Variants in LRRC4C observed in about 807,000 individuals in gnomAD.
LRRC4C encodes the protein leucine-rich repeat-containing protein 4C.
Under a neutral mutation model 33.6 loss-of-function variants are expected in LRRC4C, and 5 were observed. That is an observed-to-expected ratio of 0.15 (90% confidence interval 0.08 to 0.31). LRRC4C has a LOEUF of 0.31. Ranked by LOEUF, LRRC4C falls within the 10% of genes least tolerant of loss-of-function variation. The pLI, the probability that LRRC4C is intolerant of heterozygous loss-of-function variation, is 1.00. For missense variants in LRRC4C, 560 were observed against 796.7 expected, an observed-to-expected ratio of 0.70 and a Z score of 3.58; for synonymous variants, 329 against 302.0, an observed-to-expected ratio of 1.09 and a Z score of -0.93.
intron 2 of LRRC4C, among the ~76,000 whole-genome samples, chr11:40,762,792 T>C (rs930540517): frequency 1.3e-5 from 2 of 152,026 alleles, no homozygotes; most frequent in Non-Finnish European, 2.9e-5. Flanking sequence ...TTTTATTTTA[T>C]TAGGTTTGTT....
intron 1 of LRRC4C, among the ~76,000 whole-genome samples, chr11:41,164,965 T>A (rs571479220): frequency 6.6e-6 from 1 of 152,138 alleles, no homozygotes; most frequent in Admixed American, 6.5e-5. Context: ...CCAGGATCGA[T>A]TGTATCTTGG....
intron 1 of LRRC4C, among the ~76,000 whole-genome samples, chr11:41,073,755 T>A (rs1219897621): frequency 6.6e-6 from 1 of 152,228 alleles, no homozygotes; most frequent in African/African-American, 2.4e-5. Context: ...GTCTTGTAGA[T>A]CTTTAAGTAA....
chr11:41,034,387 C>G (rs1856906832), intron 1 of LRRC4C, among the ~76,000 whole-genome samples: 1 of 148,948 alleles, frequency 6.7e-6, no homozygotes. Context: ...CACTGCTATT[C>G]TGTTATAGGA....
chr11:40,904,097 C>T (rs1300108612), intron 2 of LRRC4C, among the ~76,000 whole-genome samples: 2 of 152,248 alleles, frequency 1.3e-5, no homozygotes, highest in African/African-American at 4.8e-5. Flanking sequence ...TGAGGAGTTA[C>T]TTCTGAGGGA....
intron 1 of LRRC4C, among the ~76,000 whole-genome samples, chr11:40,968,168 A>G (rs1231166780): frequency 6.6e-6 from 1 of 152,128 alleles, no homozygotes; most frequent in East Asian, 1.9e-4. Flanking sequence ...TAGATGGAAG[A>G]TTAAACCCAG....
chr11:40,202,871 G>C (rs1195045292), intron 5 of LRRC4C, among the ~76,000 whole-genome samples: 1 of 152,214 alleles, frequency 6.6e-6, no homozygotes, highest in African/African-American at 2.4e-5. Flanking sequence ...CTGCAGAGCA[G>C]GACAGAAGAG....
chr11:40,617,037 G>A (rs1432595543), intron 3 of LRRC4C, among the ~76,000 whole-genome samples: 1 of 151,270 alleles, frequency 6.6e-6, no homozygotes, highest in Non-Finnish European at 1.5e-5. Context: ...TCATTTTTAA[G>A]TCCCCATTAC....
At chr11:40,121,692 G>A (rs750435451) in intron 6 of LRRC4C, among the ~76,000 whole-genome samples, 1 of 152,186 alleles carries the variant, frequency 6.6e-6, no homozygotes, top group Non-Finnish European at 1.5e-5. Flanking sequence ...ACTGAGAGCT[G>A]CAGTGAGAGA....
chr11:40,993,927 T>C (rs1428883980), intron 1 of LRRC4C, among the ~76,000 whole-genome samples: 3 of 152,002 alleles, frequency 2.0e-5, no homozygotes, highest in South Asian at 4.2e-4. Flanking sequence ...GTGATCTCAA[T>C]AGCAAGAAAC....
At position 40,755,678 on chromosome 11, in the gene LRRC4C, C is replaced by T. The variant is rs188767654; in HGVS notation, c.-406-107400G>A. The stretch of plus-strand genomic sequence containing the variant: ...TGCTGCTAAATGTCTTACAATGCAC[C>T]GAAGAGCTCCTGACAACAAGAAATC... On this transcript the variant is annotated intron_variant, in intron 2 of 6. Transcript: ENST00000528697. 4.1e-3 allele frequency among the ~76,000 whole-genome samples: 624 copies of T among 151,988 alleles called. 3 individuals carry two copies. The highest frequency in any genetic ancestry group is 7.3e-3 in the Non-Finnish European group (495 of 67,962).
rs539900261 is a variant in LRRC4C, at chr11:40,136,519, G to C, written c.-43+4282C>G. Among the ~76,000 whole-genome samples the C allele has an allele frequency of 2.7e-5, 4 of 149,052 alleles. No individual in the cohort carries two copies. In the Admixed American group the frequency reaches 2.7e-4, roughly 10 times the overall value. ...TCTCGATCTCCTGACCTCGTGACCC[G>C]CCCACCTCGGCCTCCCAAAGTGCTG... On this transcript the variant is annotated intron_variant, in intron 6 of 6. Coordinates refer to ENST00000528697, the MANE Select transcript of LRRC4C (RefSeq NM_001258419.2).
At chr11:40,680,855 T>C (rs746429492) in intron 2 of LRRC4C, among the ~76,000 whole-genome samples, 5 of 152,220 alleles carry the variant, frequency 3.3e-5, no homozygotes, top group African/African-American at 4.8e-5. Context: ...AACTTTAACA[T>C]GCAATCATTA....
chr11:40,482,880 G>GAATAGTCCT (rs1451557027), intron 3 of LRRC4C, among the ~76,000 whole-genome samples: 1 of 152,142 alleles, frequency 6.6e-6, no homozygotes, highest in African/African-American at 2.4e-5. Flanking sequence ...AGTCCTAATA[G>GAATAGTCCT]AATAGCACAA....
chr11:41,385,497 AAC>A (rs1342966804), intron 1 of LRRC4C, among the ~76,000 whole-genome samples: 1 of 151,666 alleles, frequency 6.6e-6, no homozygotes. Context: ...TGATATAAAA[AAC>A]ACATGCATAA....
rs376801283 is a variant in LRRC4C, at chr11:41,345,247, C to T, written c.-496+114184G>A. On this transcript the variant is annotated intron_variant, in intron 1 of 6. Coordinates refer to ENST00000528697, the MANE Select transcript of LRRC4C (RefSeq NM_001258419.2). ...TCCTATTAATTACTATATCCCTACA[C>T]TTGAAGACAATTTATGACACACACT... Among the ~76,000 whole-genome samples, 12 of 152,206 alleles carry T rather than the reference C, an allele frequency of 7.9e-5. No homozygotes were observed. In the East Asian group the frequency reaches 9.7e-4, roughly 12 times the overall value.
rs567630617 is a variant in LRRC4C at position 40,659,056 on chromosome 11, A to G, written c.-406-10778T>C. Among the ~76,000 whole-genome samples, 8 of 152,278 alleles carry G rather than the reference A, an allele frequency of 5.3e-5. No individual in the cohort carries two copies. The South Asian group carries it at 1.7e-3, about 32-fold the overall frequency. On this transcript the variant is annotated intron_variant, in intron 2 of 6. Transcript: ENST00000528697. The stretch of plus-strand genomic sequence containing the variant: ...CCCAGAAATGGCTCTGGACCCAGGC[A>G]TTGCTGCACTCTTGGGGGCCCAGGA...
chr11:41,137,626 A>G (rs953741114), intron 1 of LRRC4C, among the ~76,000 whole-genome samples: 1 of 152,206 alleles, frequency 6.6e-6, no homozygotes, highest in Non-Finnish European at 1.5e-5. Context: ...TGAGATTTAA[A>G]TTAACCACAA....
At chr11:40,613,763 C>G (rs1961475607) in intron 3 of LRRC4C, among the ~76,000 whole-genome samples, 1 of 151,810 alleles carries the variant, frequency 6.6e-6, no homozygotes, top group African/African-American at 2.4e-5. Context: ...CTTTTTGATT[C>G]ATGGGGTGAA....
chr11:40,891,124 G>A (rs951786647), intron 2 of LRRC4C, among the ~76,000 whole-genome samples: 5 of 152,020 alleles, frequency 3.3e-5, no homozygotes, highest in Admixed American at 1.3e-4. Flanking sequence ...CTAGCTACTC[G>A]GGAGGCTGAG....
Sources: gnomAD v4.1 joint callset for allele counts (sites outside exome capture counted in the v4.1 genomes callset) on GRCh38, gnomAD v4.1.1 for gene constraint, MANE v1.5 for transcripts, NCBI Gene and HGNC (gene_info 2026-07-23, HGNC 2026-07-21) for gene names.